Variants in CTNNB1 observed in about 807,000 individuals in gnomAD.
CTNNB1 encodes the protein catenin beta 1.
In CTNNB1, 6 loss-of-function variants were observed where a neutral mutation model predicts 82.5. The ratio of observed to expected loss-of-function variants is 0.07; its 90% confidence interval spans 0.04 to 0.14. CTNNB1 has a LOEUF of 0.14. Among genes scored for constraint, CTNNB1 ranks in the 10% least tolerant of loss-of-function variants. The pLI, the probability that CTNNB1 is intolerant of heterozygous loss-of-function variation, is 1.00. For missense variants in CTNNB1, 529 were observed against 980.4 expected (o/e 0.54, Z 6.15); for synonymous variants, 312 against 329.7 (o/e 0.95, Z 0.58).
intron 7 of CTNNB1, among the ~76,000 whole-genome samples, chr3:41,228,056 T>C (rs2078219560): frequency 6.6e-6 from 1 of 152,082 alleles, no homozygotes; most frequent in Non-Finnish European, 1.5e-5. Flanking sequence ...CATCTTGGTA[T>C]TTTTTTATGG....
intron 1 of CTNNB1, among the ~76,000 whole-genome samples, chr3:41,206,849 C>A (rs1032686909): frequency 6.6e-6 from 1 of 152,088 alleles, no homozygotes; most frequent in African/African-American, 2.4e-5. Flanking sequence ...CCTTAAATTC[C>A]TTTCTGAGCC....
rs759174616 is a variant in CTNNB1 at position 41,239,105 on chromosome 3, C to CTAT, written c.2138-27_2138-25dup. On this transcript the variant is annotated intron_variant, in intron 14 of 14. Coordinates refer to ENST00000349496, the MANE Select transcript of CTNNB1 (RefSeq NM_001904.4). ...CTCTCTCTTTTGCCTTCCTTCTTGCCTATTTTGTTGACACCCTGACTCTTC... is the reference window on the plus strand; with the variant it reads ...CTCTCTCTTTTGCCTTCCTTCTTGCCTATTATTTTGTTGACACCCTGACTCTTC... The CTAT allele has an allele frequency of 3.8e-6, 6 of 1,587,804 alleles. No homozygotes were observed. In the African/African-American group the frequency reaches 8.1e-5, roughly 21 times the overall value.
chr3:41,229,876 C>CTGTGTGTGTGTGTGTGTG (rs58153157), intron 7 of CTNNB1, among the ~76,000 whole-genome samples: 104 of 147,226 alleles, frequency 7.1e-4, no homozygotes, highest in African/African-American at 2.4e-3. Context: ...CTCTTGGGTT[C>CTGTGTGTGTGTGTGTGTG]TGTGTGTGTG....
chr3:41,238,334 T>TA (rs1234239881), intron 14 of CTNNB1: 1 of 466,370 alleles, frequency 2.1e-6, no homozygotes, highest in Non-Finnish European at 3.8e-6. Context: ...TGCAGGATGT[T>TA]ACAATTTACC....
rs549926618 is a variant in CTNNB1, at chr3:41,240,037, G to A, written c.*695G>A. On this transcript the variant is annotated 3_prime_UTR_variant, in exon 15 of 15. Transcript: ENST00000349496. ...GCAGTAACTGTTTTTTAAGTCTCTCGTAGTGTTAAGTTATAGTGAATACTG... is the reference window on the plus strand; with the variant it reads ...GCAGTAACTGTTTTTTAAGTCTCTCATAGTGTTAAGTTATAGTGAATACTG... 64 of 115,246 alleles carry A rather than the reference G, an allele frequency of 5.6e-4. 1 individual carries two copies. In the South Asian group the frequency reaches 0.02, roughly 36 times the overall value. The allele number at this position is 115,246 out of a possible 1,614,324, so 7.1% of individuals were successfully genotyped here. A position where few individuals can be genotyped will look rare whatever the true frequency, so the allele number is the denominator to read the frequency against.
chr3:41,201,991 G>A (rs1404478865), intron 1 of CTNNB1, among the ~76,000 whole-genome samples: 1 of 152,066 alleles, frequency 6.6e-6, no homozygotes, highest in African/African-American at 2.4e-5. Context: ...AAATGTGTTA[G>A]CAAAACTATT....
intron 14 of CTNNB1, 74 bp downstream of exon 14, chr3:41,238,150 T>TCCCAGATGAGCAAACC: frequency 7.3e-7 from 1 of 1,362,984 alleles, no homozygotes; most frequent in Non-Finnish European, 1.1e-6. Flanking sequence ...AGAGCCGGTT[T>TCCCAGATGAGCAAACC]GCTCATCTGG....
At chr3:41,199,957 CGGGGTGGGGGTGGGGGT>C (rs973111572) in intron 1 of CTNNB1, 9 of 13,918 alleles carry the variant, frequency 6.5e-4, no homozygotes, top group African/African-American at 2.1e-3. Context: ...GGATGGCAGG[CGGGGTGGGGGTGGGGGT>C]GGGGGTCTGT....
chr3:41,218,366 T>G (rs561369360), intron 1 of CTNNB1, among the ~76,000 whole-genome samples: 1 of 152,180 alleles, frequency 6.6e-6, no homozygotes, highest in Non-Finnish European at 1.5e-5. Context: ...ATGATAACAT[T>G]ATAAATGTGA....
rs536474110 is a variant in CTNNB1, at chr3:41,208,988, C to T, written c.-49+9318C>T. ...TGTACTCCCGTTTTCTTTTGAACCCCTGCCAGTGACCACCACGTTATAAAT... is the reference window on the plus strand; with the variant it reads ...TGTACTCCCGTTTTCTTTTGAACCCTTGCCAGTGACCACCACGTTATAAAT... On this transcript the variant is annotated intron_variant, in intron 1 of 14. Coordinates refer to ENST00000349496, the MANE Select transcript of CTNNB1 (RefSeq NM_001904.4). Among the ~76,000 whole-genome samples, 10 of 152,328 alleles carry T rather than the reference C, an allele frequency of 6.6e-5. No individual in the cohort carries two copies. The South Asian group carries it at 2.1e-3, about 32-fold the overall frequency.
intron 7 of CTNNB1, among the ~76,000 whole-genome samples, chr3:41,229,926 T>A (rs1317653139): frequency 2.0e-5 from 3 of 149,758 alleles, no homozygotes; most frequent in Admixed American, 2.0e-4. Context: ...CAGTTACTTT[T>A]TAGCTACCAA....
At chr3:41,199,737 T>G (rs1443832979) in intron 1 of CTNNB1, 67 bp downstream of exon 1, 1 of 151,586 alleles carries the variant, frequency 6.6e-6, no homozygotes, top group African/African-American at 2.4e-5. Flanking sequence ...CCAAACTTCG[T>G]AGCAGGCGCG....
At chr3:41,238,161 G>A in intron 14 of CTNNB1, 85 bp downstream of exon 14, 1 of 1,231,102 alleles carries the variant, frequency 8.1e-7, no homozygotes, top group Non-Finnish European at 1.2e-6. Context: ...GCTCATCTGG[G>A]AAACCAGTGT....
intron 7 of CTNNB1, among the ~76,000 whole-genome samples, chr3:41,231,289 T>G (rs1269513793): frequency 6.6e-5 from 10 of 150,408 alleles, no homozygotes; most frequent in Non-Finnish European, 1.5e-5. Context: ...ATAGCGCCAC[T>G]GCACTTCAGC....
intron 1 of CTNNB1, chr3:41,200,300 A>G (rs960817692): frequency 2.6e-5 from 4 of 152,168 alleles, no homozygotes; most frequent in African/African-American, 9.7e-5. Context: ...ACTAAACTCT[A>G]AGTGCAGCGG....
chr3:41,237,555 C>T (rs1419641511), intron 13 of CTNNB1: 4 of 156,770 alleles, frequency 2.6e-5, no homozygotes, highest in African/African-American at 9.7e-5. Context: ...CTTTCTCCAC[C>T]TACCCCCTTC....
At chr3:41,206,840 C>G (rs1289695541) in intron 1 of CTNNB1, among the ~76,000 whole-genome samples, 1 of 152,106 alleles carries the variant, frequency 6.6e-6, no homozygotes, top group East Asian at 1.9e-4. Flanking sequence ...GGGGTAGACC[C>G]TTAAATTCCT....
Position 41,224,001 on chromosome 3 carries a change from T to A in CTNNB1, c.-48-20T>A. 1 of 1,545,098 alleles carries A rather than the reference T, an allele frequency of 6.5e-7. No homozygotes were observed. Among genetic ancestry groups the A allele is most frequent in the Non-Finnish European group, 8.9e-7 (1 of 1,117,368 alleles). On this transcript the variant is annotated intron_variant, in intron 1 of 14. Coordinates refer to ENST00000349496, the MANE Select transcript of CTNNB1 (RefSeq NM_001904.4). ...CAAGCTAAATTTAAATCCTAATGACTTTTGATTAACTTTTTTTAGGGTATT... is the reference window on the plus strand; with the variant it reads ...CAAGCTAAATTTAAATCCTAATGACATTTGATTAACTTTTTTTAGGGTATT...
At chr3:41,213,069 C>G (rs2077830938) in intron 1 of CTNNB1, among the ~76,000 whole-genome samples, 1 of 152,184 alleles carries the variant, frequency 6.6e-6, no homozygotes, top group Non-Finnish European at 1.5e-5. Context: ...CCTTTCATGA[C>G]TTTCAGTGTC....
Sources: gnomAD v4.1 joint callset for allele counts (sites outside exome capture counted in the v4.1 genomes callset) on GRCh38, gnomAD v4.1.1 for gene constraint, MANE v1.5 for transcripts, NCBI Gene and HGNC (gene_info 2026-07-23, HGNC 2026-07-21) for gene names.